Variants in ZNF586 observed in about 807,000 individuals in gnomAD.
The protein encoded by ZNF586 is zinc finger protein 586.
Under a neutral mutation model 6.7 loss-of-function variants are expected in ZNF586, and 7 were observed. The observed-to-expected ratio is 1.04, with a 90% confidence interval of 0.59 to 1.95. The LOEUF (loss-of-function observed/expected upper bound fraction) is 1.95, where lower values mean the gene tolerates loss of function less well. Ranked by LOEUF, ZNF586 falls within the 30% of genes most tolerant of loss-of-function variation. The pLI is 0.00. For synonymous variants in ZNF586, 166 were observed against 168.7 expected, an observed-to-expected ratio of 0.98 and a Z score of 0.12; for missense variants, 442 against 489.6, an observed-to-expected ratio of 0.90 and a Z score of 0.92.
chr19:57,771,506 A>C (rs1987097284), intron 1 of ZNF586, among the ~76,000 whole-genome samples: 1 of 152,056 alleles, frequency 6.6e-6, no homozygotes, highest in African/African-American at 2.4e-5. Context: ...CTCAAACCCC[A>C]AACCTACATC....
In ZNF586 at chr19:57,778,933, C is replaced by T. The variant is rs200171139; in HGVS notation, c.346C>T (p.Arg116Cys). The T allele has an allele frequency of 1.9e-4, 312 of 1,613,968 alleles. No homozygotes were observed. The highest frequency in any genetic ancestry group is 2.3e-4 in the Non-Finnish European group (271 of 1,180,018). ...AAGAGATCACAAACACAGGAATGTT[C>T]GCACTGGAGAAAGGCCTTATGAGTG... ...PRRDHKHRNV[R>C]TGERPYECSK... The change falls in exon 3 of 3, where the codon CGC becomes TGC. Residue 116 changes from arginine to cysteine, a missense_variant. By Grantham distance (180) the Arg-to-Cys change is radical (BLOSUM62 -3). Coordinates refer to ENST00000396154, the MANE Select transcript of ZNF586 (RefSeq NM_017652.4).
chr19:57,771,823 A>C (rs1987104380), intron 1 of ZNF586, among the ~76,000 whole-genome samples: 1 of 151,852 alleles, frequency 6.6e-6, no homozygotes, highest in Non-Finnish European at 1.5e-5. Flanking sequence ...TTAGAGGGGC[A>C]AGTCAATTTT....
intron 1 of ZNF586, among the ~76,000 whole-genome samples, chr19:57,774,547 TAAA>T (rs1987180571): frequency 6.6e-6 from 1 of 150,448 alleles, no homozygotes; most frequent in Admixed American, 6.6e-5. Flanking sequence ...AATAAATAAA[TAAA>T]TAAATAAATA....
chr19:57,779,126 G>A lies in ZNF586; in HGVS notation c.539G>A (p.Cys180Tyr). The change falls in exon 3 of 3, where the codon TGT (cysteine) becomes TAT (tyrosine). Residue 180 changes from cysteine (C) to tyrosine (Y), a missense_variant. By Grantham distance (194) the Cys-to-Tyr change is radical (BLOSUM62 -2). Transcript: ENST00000396154. ...CACACTAGAGAAAGGCCTTATGAGT[G>A]TATTGAATGTGGGAAAGCCTTTGCT... is the stretch of plus-strand genomic sequence containing the variant. ...TLHTRERPYECIECGKAFAEK... is the reference protein window; with the variant it reads ...TLHTRERPYEYIECGKAFAEK... 6.2e-7 allele frequency: 1 copy of A among 1,614,082 alleles called. No individual in the cohort carries two copies. Among genetic ancestry groups the A allele is most frequent in the Non-Finnish European group, 8.5e-7 (1 of 1,180,008 alleles).
Position 57,779,182 on chromosome 19 carries a change from G to C in ZNF586, c.595G>C (p.Val199Leu). The C allele has an allele frequency of 6.2e-7, 1 of 1,613,906 alleles. No individual in the cohort carries two copies. The highest frequency in any genetic ancestry group is 8.5e-7 in the Non-Finnish European group (1 of 1,179,988). ...EKSSLINHRK[V>L]HSGAKRYECN... The stretch of plus-strand genomic sequence containing the variant: ...GTCCAGTCTCATTAACCACAGGAAA[G>C]TTCACTCTGGAGCAAAGCGTTATGA... The change falls in exon 3 of 3, where the codon GTT (valine) becomes CTT (leucine). Residue 199 changes from valine (V) to leucine (L), a missense_variant. Coordinates refer to ENST00000396154, the MANE Select transcript of ZNF586 (RefSeq NM_017652.4).
chr19:57,774,391 C>G (rs1987174759), intron 1 of ZNF586, among the ~76,000 whole-genome samples: 1 of 151,370 alleles, frequency 6.6e-6, no homozygotes, highest in Admixed American at 6.6e-5. Context: ...GGCGTGGTGG[C>G]TAATGCCTCT....
chr19:57,774,075 G>A (rs1387188315), intron 1 of ZNF586, among the ~76,000 whole-genome samples: 1 of 151,990 alleles, frequency 6.6e-6, no homozygotes, highest in Non-Finnish European at 1.5e-5. Context: ...AAAAGTAGCT[G>A]ACGTGGTGGC....
At chr19:57,775,265 G>A (rs1234422926) in intron 1 of ZNF586, among the ~76,000 whole-genome samples, 2 of 152,176 alleles carry the variant, frequency 1.3e-5, no homozygotes, top group Non-Finnish European at 2.9e-5. Flanking sequence ...AAAGTGCAGG[G>A]ATTATAGGCG....
At chr19:57,773,473 G>A (rs149114265) in intron 1 of ZNF586, among the ~76,000 whole-genome samples, 5 of 144,264 alleles carry the variant, frequency 3.5e-5, no homozygotes, top group Non-Finnish European at 4.5e-5. Flanking sequence ...GTGCAATCTC[G>A]GCTCACTGCA....
At chr19:57,777,774 A>ATTTTT (rs1987270211) in intron 2 of ZNF586, among the ~76,000 whole-genome samples, 1 of 38,320 alleles carries the variant, frequency 2.6e-5, no homozygotes, top group African/African-American at 1.4e-4. Context: ...TTTTTTTTTG[A>ATTTTT]GATGGAGTTT....
rs1161543576 is a variant in ZNF586, at chr19:57,780,177, C to G, written c.*381C>G. ...TGGGAACTGCATAGTATTTTTCGAC[C>G]TGCCCAGGTCTCTTGCTAGACTTCT... On this transcript the variant is annotated 3_prime_UTR_variant, in exon 3 of 3. Coordinates refer to ENST00000396154, the MANE Select transcript of ZNF586 (RefSeq NM_017652.4). The G allele has an allele frequency of 5.2e-6, 1 of 193,760 alleles. No homozygotes were observed. Among genetic ancestry groups the G allele is most frequent in the Non-Finnish European group, 1.1e-5 (1 of 93,538 alleles). The allele number at this position is 193,760 out of a possible 1,614,324, so 12.0% of individuals were successfully genotyped here. A position where few individuals can be genotyped will look rare whatever the true frequency, so the allele number is the denominator to read the frequency against.
chr19:57,775,237 T>G (rs954856104), intron 1 of ZNF586, among the ~76,000 whole-genome samples: 1 of 152,130 alleles, frequency 6.6e-6, no homozygotes, highest in Non-Finnish European at 1.5e-5. Flanking sequence ...CCTCGTGATC[T>G]GCCCACCTCG....
intron 1 of ZNF586, among the ~76,000 whole-genome samples, chr19:57,774,571 TAAAA>T (rs1239133206): frequency 2.1e-5 from 3 of 142,840 alleles, no homozygotes; most frequent in East Asian, 4.1e-4. Context: ...AATAAATAAA[TAAAA>T]AGTCATAGTT....
In ZNF586 at chr19:57,769,831, C is replaced by CT. The variant is rs778401121; in HGVS notation, c.-12_-11insT. ...ACACCGCCGAGCCCGCGTTCCCCCC[C>CT]CGCCCAGAGTCATGGCGGCAGCAGC... On this transcript the variant is annotated 5_prime_UTR_variant, in exon 1 of 3. Coordinates refer to ENST00000396154, the MANE Select transcript of ZNF586 (RefSeq NM_017652.4). 1.3e-6 allele frequency: 2 copies of CT among 1,545,906 alleles called. No individual in the cohort carries two copies. Among genetic ancestry groups the CT allele is most frequent in the Admixed American group, 2.0e-5 (1 of 50,988 alleles).
intron 1 of ZNF586, among the ~76,000 whole-genome samples, chr19:57,775,537 G>A (rs577125080): frequency 1.3e-5 from 2 of 151,112 alleles, no homozygotes; most frequent in Non-Finnish European, 2.9e-5. Context: ...TCTTTTATGG[G>A]AATCAGGGAC....
chr19:57,772,317 C>T (rs1355092410), intron 1 of ZNF586, among the ~76,000 whole-genome samples: 2 of 152,132 alleles, frequency 1.3e-5, no homozygotes, highest in Non-Finnish European at 2.9e-5. Context: ...ATACAAATTG[C>T]TTTTGCTCTG....
At chr19:57,778,220 T>A (rs1157712311) in intron 2 of ZNF586, among the ~76,000 whole-genome samples, 2 of 151,940 alleles carry the variant, frequency 1.3e-5, no homozygotes, top group African/African-American at 4.8e-5. Context: ...TACAGGTGCA[T>A]GCCACCACAC....
chr19:57,774,069 G>T (rs1197660902), intron 1 of ZNF586, among the ~76,000 whole-genome samples: 1 of 151,830 alleles, frequency 6.6e-6, no homozygotes, highest in Non-Finnish European at 1.5e-5. Context: ...TACAAAAAAA[G>T]TAGCTGACGT....
In ZNF586 at chr19:57,779,289, T is replaced by C. The variant is rs111687149; in HGVS notation, c.702T>C (p.Tyr234=). The C allele has an allele frequency of 6.0e-5, 97 of 1,614,200 alleles. No homozygotes were observed. The African/African-American group carries it at 8.5e-4, about 14-fold the overall frequency. The change falls in exon 3 of 3, where the codon TAT becomes TAC. Residue 234 remains tyrosine (Y), a synonymous_variant. Coordinates refer to ENST00000396154, the MANE Select transcript of ZNF586 (RefSeq NM_017652.4). ...HRRIHTGERP[Y]ECSECGRSFA... ...GGATTCACACTGGAGAGAGGCCTTA[T>C]GAGTGCAGTGAATGTGGGAGATCCT...
Sources: allele counts gnomAD v4.1 joint callset (sites outside exome capture counted in the v4.1 genomes callset), GRCh38; gene constraint gnomAD v4.1.1; transcripts MANE v1.5; gene names NCBI Gene and HGNC (gene_info 2026-07-23, HGNC 2026-07-21).